Variants in HCFC1 observed in about 807,000 individuals in gnomAD.
The protein encoded by HCFC1 is host cell factor C1, also known as host cell factor 1.
A neutral mutation model predicts 105.5 loss-of-function variants in HCFC1; 7 were observed. The observed-to-expected ratio is 0.07, with a 90% CI of 0.04 to 0.12. The LOEUF is 0.12. HCFC1 is among the 10% of genes least tolerant of loss of function. The pLI, the probability that HCFC1 is intolerant of heterozygous loss-of-function variation, is 1.00. For missense variants in HCFC1, 1,065 were observed against 1,823.6 expected (o/e 0.58, Z 7.58); for synonymous variants, 918 against 828.1 (o/e 1.11, Z -1.86).
intron 22 of HCFC1, 86 bp downstream of exon 22, chrX:153,951,264 G>T: frequency 1.9e-6 from 2 of 1,071,910 alleles, no homozygotes; most frequent in Non-Finnish European, 2.6e-6. Context: ...TTGGCCCAAA[G>T]ATGGAGGAGT....
Position 153,962,275 on chromosome X carries a change from G to C in HCFC1, c.744C>G (p.Ser248Arg). The C allele has an allele frequency of 8.3e-7, 1 of 1,209,687 alleles. No individual in the cohort carries two copies. The highest frequency in any genetic ancestry group is 1.8e-5 in the South Asian group (1 of 56,870). Residue 248 changes from serine (S) to arginine (R), a missense_variant, in exon 5 of 26, where the codon AGC (serine) becomes AGG (arginine). By Grantham distance (110) the Ser-to-Arg change is moderately radical (BLOSUM62 -1). Transcript: ENST00000310441. ...DTLTWNKPSL[S>R]GVAPLPRSLH... ...GACTGCGAGGAAGAGGCGCCACCCC[G>C]CTGAGACTGGGCTTATTCCACGTCA...
rs782714558 is a variant in HCFC1 at position 153,958,973 on chromosome X, G to A, written c.1606-207C>T. On this transcript the variant is annotated intron_variant, in intron 9 of 25. Transcript: ENST00000310441. Reference sequence around the variant, plus strand: ...CCACCCACCATGCACGGCAACCCCCGTGGCAAGAGGCAGCTGGGAGCTCTG... The same window carrying A: ...CCACCCACCATGCACGGCAACCCCCATGGCAAGAGGCAGCTGGGAGCTCTG... Among the ~76,000 whole-genome samples the A allele has an allele frequency of 1.9e-4, 22 of 112,867 alleles. No individual in the cohort carries two copies. The East Asian group carries it at 5.6e-3, about 29-fold the overall frequency.
In HCFC1 at chrX:153,954,204, C is replaced by T. The variant is rs371594842; in HGVS notation, c.4195G>A (p.Val1399Ile). The T allele has an allele frequency of 1.5e-4, 182 of 1,204,165 alleles. No homozygotes were observed. In the South Asian group the frequency reaches 2.7e-3, roughly 18 times the overall value. ...SGLEVAAAPS[V>I]TPQAGTALLA... ...AGCGCGGTGCCAGCCTGGGGGGTGA[C>T]GCTGGGTGCCGCCGCCACCTCTAGG... The change falls in exon 17 of 26, where the codon GTC (valine) becomes ATC (isoleucine). Residue 1399 changes from valine (V) to isoleucine (I), a missense_variant. Physicochemically the swap from Val to Ile is conservative, Grantham distance 29. Coordinates refer to ENST00000310441, the MANE Select transcript of HCFC1 (RefSeq NM_005334.3).
rs1557112939 is a variant in HCFC1, at chrX:153,952,697, G to A, written c.4759C>T (p.Leu1587Phe). The change falls in exon 19 of 26, where the codon CTT becomes TTT. Residue 1587 changes from leucine (L) to phenylalanine (F), a missense_variant. Transcript: ENST00000310441. ...GCCTCGGCCATTAGCTCTTGGGGAA[G>A]TGATAACTGGTCTACTTCGGACTGT... is the stretch of plus-strand genomic sequence containing the variant. ...PTQSEVDQLS[L>F]PQELMAEAQA... The A allele has an allele frequency of 1.7e-6, 2 of 1,210,146 alleles. No homozygotes were observed. The highest frequency in any genetic ancestry group is 2.2e-6 in the Non-Finnish European group (2 of 894,569).
rs374517415 is a variant in HCFC1, at chrX:153,971,124, C to G, written c.-284G>C. ...AGTCCCGTCGCCCCGACTACTTGTCCGGGCGCTCCCGCTTACAAGCTCGGG... is the reference window on the plus strand; with the variant it reads ...AGTCCCGTCGCCCCGACTACTTGTCGGGGCGCTCCCGCTTACAAGCTCGGG... On this transcript the variant is annotated 5_prime_UTR_variant, in exon 1 of 26. Coordinates refer to ENST00000310441, the MANE Select transcript of HCFC1 (RefSeq NM_005334.3). 4 of 343,083 alleles carry G rather than the reference C, an allele frequency of 1.2e-5. No homozygotes were observed. The East Asian group carries it at 1.4e-4, about 12-fold the overall frequency. 28.3% of individuals were successfully genotyped at this position (343,083 alleles called of 1,213,427 possible).
At chrX:153,959,743 G>T (rs781849916) in intron 8 of HCFC1, 59 bp downstream of exon 8, 1 of 1,136,878 alleles carries the variant, frequency 8.8e-7, no homozygotes, top group South Asian at 2.1e-5. Flanking sequence ...CTACTTGGCC[G>T]CTGCCTCTCC....
At position 153,964,564 on chromosome X, in the gene HCFC1, T is replaced by C; in HGVS notation, c.342+14A>G. 8.4e-7 allele frequency: 1 copy of C among 1,187,586 alleles called. No homozygotes were observed. Among genetic ancestry groups the C allele is most frequent in the Non-Finnish European group, 1.1e-6 (1 of 881,725 alleles). On this transcript the variant is annotated intron_variant, in intron 2 of 25. Coordinates refer to ENST00000310441, the MANE Select transcript of HCFC1 (RefSeq NM_005334.3). ...GGGCCAAGGAGGCAGAGTGAGAACC[T>C]GGGGCTGCTTTACCTGGAGTTCGTA...
chrX:153,957,146 C>T (rs1459721555), intron 13 of HCFC1, 86 bp from the exon 14 acceptor site: 1 of 1,074,537 alleles, frequency 9.3e-7, no homozygotes, highest in Non-Finnish European at 1.3e-6. Flanking sequence ...ATCCACAAGT[C>T]ACAGCCATAG....
At chrX:153,968,184 C>G in intron 1 of HCFC1, among the ~76,000 whole-genome samples, 1 of 111,658 alleles carries the variant, frequency 9.0e-6, no homozygotes, top group South Asian at 3.8e-4. Context: ...TGGCAGCACT[C>G]TGAATCCTTT....
chrX:153,949,307 G>A lies in HCFC1; in HGVS notation c.*40C>T. The A allele has an allele frequency of 1.7e-6, 2 of 1,158,808 alleles. No individual in the cohort carries two copies. The highest frequency in any genetic ancestry group is 2.4e-6 in the Non-Finnish European group (2 of 850,953). On this transcript the variant is annotated 3_prime_UTR_variant, in exon 26 of 26. Transcript: ENST00000310441. The stretch of plus-strand genomic sequence containing the variant: ...GCCCTGGCGGGTGTTCCTGAAGCAG[G>A]GGGGTCTGGAGAAGAATCCAGGGGC...
At chrX:153,950,117 T>C (rs992930135) in intron 24 of HCFC1, 126 bp downstream of exon 24, 8 of 731,058 alleles carry the variant, frequency 1.1e-5, no homozygotes, top group Non-Finnish European at 1.6e-5. Context: ...GGGGGCTGTG[T>C]GCGCGCCAAA....
In HCFC1 at chrX:153,952,082, C is replaced by G; in HGVS notation, c.5019G>C (p.Glu1673Asp). 1.7e-6 allele frequency: 2 copies of G among 1,164,593 alleles called. No individual in the cohort carries two copies. Among genetic ancestry groups the G allele is most frequent in the African/African-American group, 3.5e-5 (2 of 57,007 alleles). Reference sequence around the variant, plus strand: ...TGGTGGTGGCCTGGCCCTCCTGACCCTCGGCCGACAGGTGCCCCAGCTCCG... The same window carrying G: ...TGGTGGTGGCCTGGCCCTCCTGACCGTCGGCCGACAGGTGCCCCAGCTCCG... ...TQAELGHLSA[E>D]GQEGQATTIP... The change falls in exon 20 of 26, where the codon GAG becomes GAC. Residue 1673 changes from glutamate (E) to aspartate (D), a missense_variant. By Grantham distance (45) the Glu-to-Asp change is conservative. Around this residue, in one of 17 missense-constraint regions of HCFC1, gnomAD observed 115 missense variants for 143.7 expected, o/e 0.80. Transcript: ENST00000310441.
intron 1 of HCFC1, chrX:153,969,797 G>A (rs2065508190): frequency 8.8e-6 from 1 of 113,384 alleles, no homozygotes; most frequent in African/African-American, 3.2e-5. Flanking sequence ...AGGCAGAAGA[G>A]CGGGTGGGGT....
rs782003808 is a variant in HCFC1 at position 153,951,680 on chromosome X, G to A, written c.5288C>T (p.Ala1763Val). 1 of 1,210,068 alleles carries A rather than the reference G, an allele frequency of 8.3e-7. No homozygotes were observed. Among genetic ancestry groups the A allele is most frequent in the South Asian group, 1.8e-5 (1 of 56,925 alleles). ...ESLAPSNTFV[A>V]PQPVVVASPA... ...GCTGGCCACCACAACCGGCTGGGGG[G>A]CCACAAATGTGTTGGATGGAGCCAG... Residue 1763 changes from alanine to valine, a missense_variant, in exon 21 of 26, where the codon GCC becomes GTC. By Grantham distance (64) the Ala-to-Val change is moderately conservative. Coordinates refer to ENST00000310441, the MANE Select transcript of HCFC1 (RefSeq NM_005334.3).
rs896048016 is a variant in HCFC1 at position 153,949,164 on chromosome X, T to C, written c.*183A>G. 13 of 407,833 alleles carry C rather than the reference T, an allele frequency of 3.2e-5. No homozygotes were observed. Among genetic ancestry groups the C allele is most frequent in the Non-Finnish European group, 5.2e-5 (12 of 231,648 alleles). The allele number at this position is 407,833 out of a possible 1,213,427, so 33.6% of individuals were successfully genotyped here. ...TGCCTCTGCTTCCTCCCAACAGCAA[T>C]GGTAAAATGTGCTTTCTTTAGATTA... is the stretch of plus-strand genomic sequence containing the variant. On this transcript the variant is annotated 3_prime_UTR_variant, in exon 26 of 26. Coordinates refer to ENST00000310441, the MANE Select transcript of HCFC1 (RefSeq NM_005334.3).
In HCFC1 at chrX:153,971,005, C is replaced by A. The variant is rs1265764655; in HGVS notation, c.-165G>T. On this transcript the variant is annotated 5_prime_UTR_variant, in exon 1 of 26. Coordinates refer to ENST00000310441, the MANE Select transcript of HCFC1 (RefSeq NM_005334.3). Reference sequence around the variant, plus strand: ...GCCGCCATCTTAACTGCCCTCCTTCCCTTTGGCTCTTCCCTTTCTTCTCGC... The same window carrying A: ...GCCGCCATCTTAACTGCCCTCCTTCACTTTGGCTCTTCCCTTTCTTCTCGC... 2.4e-6 allele frequency: 1 copy of A among 411,289 alleles called. No individual in the cohort carries two copies. The highest frequency in any genetic ancestry group is 2.6e-5 in the African/African-American group (1 of 38,893). The allele number at this position is 411,289 out of a possible 1,213,427, so 33.9% of individuals were successfully genotyped here. A position where few individuals can be genotyped will look rare whatever the true frequency, so the allele number is the denominator to read the frequency against.
intron 1 of HCFC1, among the ~76,000 whole-genome samples, chrX:153,965,669 T>TGA (rs782171314): frequency 3.6e-5 from 4 of 112,319 alleles, no homozygotes; most frequent in Admixed American, 2.8e-4. Context: ...CAGAAGGAAC[T>TGA]GAGGCCCCTC....
intron 24 of HCFC1, 44 bp from the exon 25 acceptor site, chrX:153,949,660 C>G: frequency 9.1e-7 from 1 of 1,104,411 alleles, no homozygotes; most frequent in Non-Finnish European, 1.3e-6. Context: ...TGTGACAGAA[C>G]GAGAGCAAGG....
intron 4 of HCFC1, among the ~76,000 whole-genome samples, chrX:153,962,625 T>C (rs1603297867): frequency 2.7e-5 from 3 of 112,701 alleles, no homozygotes. Flanking sequence ...TTCACCGCCA[T>C]AACCACCTTA....
Sources: allele counts gnomAD v4.1 joint callset (sites outside exome capture counted in the v4.1 genomes callset), GRCh38; gene constraint gnomAD v4.1.1; regional missense constraint gnomAD v4.1.1; transcripts MANE v1.5; gene names NCBI Gene and HGNC (gene_info 2026-07-23, HGNC 2026-07-21).